The following PRKG1 variants were observed in gnomAD, a reference collection of about 807,000 sequenced individuals.
The protein encoded by PRKG1 is cGMP-dependent protein kinase 1.
Under a neutral mutation model 88.1 loss-of-function variants are expected in PRKG1, and 35 were observed. The observed-to-expected ratio is 0.40, with a 90% CI of 0.30 to 0.53. The LOEUF is 0.53. PRKG1 is among the 20% of genes least tolerant of loss of function. The pLI is 0.59. For synonymous variants in PRKG1, 303 were observed against 292.5 expected (o/e 1.04, Z -0.37); for missense variants, 540 against 839.8 (o/e 0.64, Z 4.41).
At chr10:51,303,973 C>T (rs1281140197) in intron 2 of PRKG1, among the ~76,000 whole-genome samples, 2 of 152,018 alleles carry the variant, frequency 1.3e-5, no homozygotes, top group Non-Finnish European at 2.9e-5. Flanking sequence ...GCACCCACCA[C>T]CATGCCCAGT....
intron 9 of PRKG1, among the ~76,000 whole-genome samples, chr10:52,249,268 C>T (rs184793693): frequency 2.0e-5 from 3 of 151,570 alleles, no homozygotes; most frequent in South Asian, 2.1e-4. Flanking sequence ...TGGATAGCTA[C>T]TTATCTCCTG....
intron 1 of PRKG1, among the ~76,000 whole-genome samples, chr10:51,098,428 C>T (rs1043528241): frequency 2.0e-5 from 3 of 152,102 alleles, no homozygotes; most frequent in Middle Eastern, 3.2e-3. Flanking sequence ...TTGTGAGTAA[C>T]AGAACAGGCC....
intron 3 of PRKG1, among the ~76,000 whole-genome samples, chr10:51,794,275 C>T (rs1354503975): frequency 1.3e-5 from 2 of 152,030 alleles, no homozygotes; most frequent in African/African-American, 4.8e-5. Context: ...GACTTCAACA[C>T]CCTACATGTA....
At chr10:51,324,177 C>G (rs1673803698) in intron 2 of PRKG1, among the ~76,000 whole-genome samples, 1 of 152,040 alleles carries the variant, frequency 6.6e-6, no homozygotes, top group Admixed American at 6.5e-5. Context: ...AAATACTATA[C>G]TATTGAACAC....
intron 7 of PRKG1, among the ~76,000 whole-genome samples, chr10:52,116,474 C>T (rs768783475): frequency 6.6e-6 from 1 of 152,090 alleles, no homozygotes; most frequent in East Asian, 1.9e-4. Context: ...AGGTTTCAGA[C>T]TAGAGATTAA....
At chr10:51,872,029 A>T (rs141165841) in intron 4 of PRKG1, among the ~76,000 whole-genome samples, 268 of 152,204 alleles carry the variant, frequency 1.8e-3, no homozygotes, top group South Asian at 2.1e-3. Flanking sequence ...CTGCATTTTC[A>T]TTTTGCACTA....
chr10:51,380,318 G>A lies in PRKG1; in HGVS notation c.479-87405G>A, dbSNP rs144092347. On this transcript the variant is annotated intron_variant, in intron 2 of 17. Transcript: ENST00000373980. ...TCCATAGTGGGAGTATTTACACCAT[G>A]GAAATTGGCAAATGCTACCAATGAG... 2.9e-3 allele frequency among the ~76,000 whole-genome samples: 448 copies of A among 152,252 alleles called. 3 individuals carry two copies. The highest frequency in any genetic ancestry group is 0.01 in the African/African-American group (430 of 41,560).
intron 5 of PRKG1, among the ~76,000 whole-genome samples, chr10:52,028,462 T>C (rs1056456645): frequency 1.3e-5 from 2 of 152,242 alleles, no homozygotes; most frequent in African/African-American, 4.8e-5. Context: ...TCTGGAGATA[T>C]ACTATTTCTG....
At chr10:51,674,904 A>G (rs543446384) in intron 3 of PRKG1, among the ~76,000 whole-genome samples, 2 of 152,336 alleles carry the variant, frequency 1.3e-5, no homozygotes, top group African/African-American at 2.4e-5. Context: ...GAGTTAAAAA[A>G]GAGGATATGG....
chr10:51,497,801 T>TA (rs774398792), intron 3 of PRKG1, among the ~76,000 whole-genome samples: 17 of 152,176 alleles, frequency 1.1e-4, no homozygotes, highest in Non-Finnish European at 2.1e-4. Flanking sequence ...GCAATCTAAT[T>TA]AACCCAAATT....
At chr10:51,051,611 A>G (rs1225880667) in intron 1 of PRKG1, among the ~76,000 whole-genome samples, 1 of 152,182 alleles carries the variant, frequency 6.6e-6, no homozygotes, top group Non-Finnish European at 1.5e-5. Flanking sequence ...CTGTTAACAC[A>G]TATGTACATT....
chr10:52,226,044 G>A (rs1250086977), intron 9 of PRKG1, among the ~76,000 whole-genome samples: 1 of 73,950 alleles, frequency 1.4e-5, no homozygotes, highest in Non-Finnish European at 3.1e-5. Context: ...TTTTTTTTTT[G>A]GTCTGTTTTG....
chr10:51,186,957 T>TATATATAC (rs1477161699), intron 2 of PRKG1, among the ~76,000 whole-genome samples: 4 of 44,974 alleles, frequency 8.9e-5, no homozygotes, highest in African/African-American at 1.6e-4. Context: ...CCCTGTGTTA[T>TATATATAC]ATATATATAT....
chr10:52,052,721 C>G (rs1408887687), intron 5 of PRKG1, among the ~76,000 whole-genome samples: 2 of 152,112 alleles, frequency 1.3e-5, no homozygotes, highest in African/African-American at 2.4e-5. Context: ...GACTTCTTTA[C>G]TACCACAAGA....
intron 3 of PRKG1, among the ~76,000 whole-genome samples, chr10:51,736,333 C>T (rs1268697865): frequency 1.3e-5 from 2 of 152,126 alleles, no homozygotes; most frequent in Admixed American, 1.3e-4. Flanking sequence ...CCAGACTGGT[C>T]TCGAACTCCT....
At chr10:51,393,450 A>T (rs1837494907) in intron 2 of PRKG1, among the ~76,000 whole-genome samples, 2 of 152,162 alleles carry the variant, frequency 1.3e-5, no homozygotes, top group Non-Finnish European at 1.5e-5. Context: ...CTCACTTCCC[A>T]GACGGGGTGG....
chr10:51,998,830 C>T (rs1844520074), intron 5 of PRKG1, among the ~76,000 whole-genome samples: 1 of 152,148 alleles, frequency 6.6e-6, no homozygotes, highest in Non-Finnish European at 1.5e-5. Context: ...AGATTATTCT[C>T]ATTTCCCTTC....
At chr10:51,771,389 T>C (rs939234393) in intron 3 of PRKG1, among the ~76,000 whole-genome samples, 5 of 152,194 alleles carry the variant, frequency 3.3e-5, no homozygotes, top group African/African-American at 9.7e-5. Flanking sequence ...TTCCGGAATT[T>C]GCTTTCCGTT....
chr10:51,953,147 A>G (rs1843223911), intron 5 of PRKG1, among the ~76,000 whole-genome samples: 2 of 152,234 alleles, frequency 1.3e-5, no homozygotes, highest in Admixed American at 6.5e-5. Context: ...GTAAGATCAG[A>G]AATGATGGCT....
Sources: allele counts gnomAD v4.1 joint callset (sites outside exome capture counted in the v4.1 genomes callset), GRCh38; gene constraint gnomAD v4.1.1; transcripts MANE v1.5; gene names NCBI Gene and HGNC (gene_info 2026-07-23, HGNC 2026-07-21).